Variants in FANCL observed in about 807,000 individuals in gnomAD.
The protein encoded by FANCL is E3 ubiquitin-protein ligase FANCL.
FANCL carries 69 observed loss-of-function variants against 59.4 expected under a neutral mutation model. That is an observed-to-expected ratio of 1.16 (90% CI 0.96 to 1.42). FANCL has a LOEUF of 1.42. FANCL is among the 40% of genes most tolerant of loss of function. FANCL has a pLI of 0.00. For missense variants in FANCL, 519 were observed against 447.2 expected (o/e 1.16, Z -1.45); for synonymous variants, 180 against 147.1 (o/e 1.22, Z -1.62).
At chr2:58,177,943 C>CA (rs1450835890) in intron 7 of FANCL, among the ~76,000 whole-genome samples, 1 of 152,030 alleles carries the variant, frequency 6.6e-6, no homozygotes, top group Non-Finnish European at 1.5e-5. Flanking sequence ...AAACTACTAT[C>CA]ACAGAATGCT....
At chr2:58,163,378 G>T (rs1397708060) in intron 9 of FANCL, 56 bp downstream of exon 9, 1 of 1,142,046 alleles carries the variant, frequency 8.8e-7, no homozygotes, top group Non-Finnish European at 1.3e-6. Flanking sequence ...ATTTAACAAT[G>T]CTAGGCAAGG....
intron 12 of FANCL, 36 bp from the exon 13 acceptor site, chr2:58,160,215 A>ATGAT (rs1558728104): frequency 6.3e-7 from 1 of 1,592,974 alleles, no homozygotes; most frequent in South Asian, 1.1e-5. Context: ...AAGCGTCAGC[A>ATGAT]TGATTACAAA....
At chr2:58,222,626 C>T (rs1365970153) in intron 4 of FANCL, among the ~76,000 whole-genome samples, 1 of 151,930 alleles carries the variant, frequency 6.6e-6, no homozygotes, top group East Asian at 1.9e-4. Context: ...CCTTGCTAGG[C>T]CTATCTATGA....
At chr2:58,189,901 C>A (rs971088433) in intron 7 of FANCL, among the ~76,000 whole-genome samples, 1 of 152,066 alleles carries the variant, frequency 6.6e-6, no homozygotes, top group South Asian at 2.1e-4. Context: ...CCCTATAATA[C>A]TTGCAGATAA....
chr2:58,175,625 G>T (rs1203116961), intron 7 of FANCL, among the ~76,000 whole-genome samples: 1 of 152,068 alleles, frequency 6.6e-6, no homozygotes, highest in Non-Finnish European at 1.5e-5. Flanking sequence ...GGTATTGATG[G>T]GACGTATCTC....
intron 5 of FANCL, among the ~76,000 whole-genome samples, chr2:58,215,355 C>T (rs1319045408): frequency 6.6e-6 from 1 of 152,178 alleles, no homozygotes; most frequent in Non-Finnish European, 1.5e-5. Flanking sequence ...AAAGCCTAAT[C>T]TCATGAATAA....
At chr2:58,202,968 C>T (rs933781811) in intron 6 of FANCL, among the ~76,000 whole-genome samples, 1 of 148,984 alleles carries the variant, frequency 6.7e-6, no homozygotes, top group Non-Finnish European at 1.5e-5. Context: ...AAGGAAATGA[C>T]AGAACCCTTG....
At chr2:58,161,881 ATG>A (rs1685234757) in intron 11 of FANCL, among the ~76,000 whole-genome samples, 2 of 151,948 alleles carry the variant, frequency 1.3e-5, no homozygotes, top group Non-Finnish European at 2.9e-5. Flanking sequence ...ATCAGGAAGA[ATG>A]TTTTATAAAT....
intron 1 of FANCL, among the ~76,000 whole-genome samples, chr2:58,233,536 GAATA>G (rs1693760549): frequency 6.6e-6 from 1 of 151,904 alleles, no homozygotes; most frequent in South Asian, 2.1e-4. Context: ...ACCATATTAA[GAATA>G]AATAAAACCA....
chr2:58,160,812 T>C (rs1250904152), intron 12 of FANCL, among the ~76,000 whole-genome samples: 1 of 152,026 alleles, frequency 6.6e-6, no homozygotes, highest in African/African-American at 2.4e-5. Context: ...ATTGGCAAAG[T>C]ACAGACGGCA....
At chr2:58,225,290 AT>A (rs1329624737) in intron 4 of FANCL, among the ~76,000 whole-genome samples, 1 of 151,940 alleles carries the variant, frequency 6.6e-6, no homozygotes, top group African/African-American at 2.4e-5. Context: ...TATTCTAAAA[AT>A]TGGTTTCTGT....
Position 58,179,843 on chromosome 2 carries a change from T to C in FANCL, c.541-13969A>G, listed in dbSNP as rs568428753. On this transcript the variant is annotated intron_variant, in intron 7 of 13. Transcript: ENST00000233741. ...GCAATCTATCCATCTGACAAAGGGC[T>C]AATATCCAGAATCTACAAGGAACTT... Among the ~76,000 whole-genome samples, 11 of 152,250 alleles carry C rather than the reference T, an allele frequency of 7.2e-5. No homozygotes were observed. In the South Asian group the frequency reaches 2.3e-3, roughly 32 times the overall value.
intron 5 of FANCL, among the ~76,000 whole-genome samples, chr2:58,219,435 C>A (rs1168728175): frequency 6.6e-6 from 1 of 151,466 alleles, no homozygotes; most frequent in Non-Finnish European, 1.5e-5. Flanking sequence ...AAATACTGTG[C>A]CCTAAAGGAG....
chr2:58,163,768 C>T (rs1685563386), intron 8 of FANCL, among the ~76,000 whole-genome samples: 1 of 151,926 alleles, frequency 6.6e-6, no homozygotes, highest in South Asian at 2.1e-4. Context: ...GATTGCAATT[C>T]TGGTCAACTG....
chr2:58,203,296 T>C (rs969524312), intron 6 of FANCL, among the ~76,000 whole-genome samples: 1 of 151,886 alleles, frequency 6.6e-6, no homozygotes, highest in African/African-American at 2.4e-5. Context: ...ATTAATTTTC[T>C]CTTGTGGAAA....
chr2:58,241,338 A>T, upstream of FANCL: 2 of 1,611,916 alleles, frequency 1.2e-6, no homozygotes, highest in Non-Finnish European at 8.5e-7. Flanking sequence ...AGAAACACAG[A>T]AAAGCTCTAG....
Position 58,170,054 on chromosome 2 carries a change from C to G in FANCL, c.541-4180G>C, listed in dbSNP as rs1286017328. On this transcript the variant is annotated intron_variant, in intron 7 of 13. Coordinates refer to ENST00000233741, the MANE Select transcript of FANCL (RefSeq NM_018062.4). ...CAGAGAACACCACAAAGATACTCCT[C>G]CAGAACAGCAACCACAAGACACATA... is the stretch of plus-strand genomic sequence containing the variant. Among the ~76,000 whole-genome samples the G allele has an allele frequency of 2.6e-5, 4 of 152,098 alleles. No homozygotes were observed. The East Asian group carries it at 7.7e-4, about 29-fold the overall frequency.
intron 1 of FANCL, among the ~76,000 whole-genome samples, chr2:58,238,308 C>T (rs1215510273): frequency 6.6e-6 from 1 of 152,108 alleles, no homozygotes; most frequent in Non-Finnish European, 1.5e-5. Context: ...ATCTTGATTG[C>T]AAGATCATGA....
chr2:58,204,754 G>C (rs1387964391), intron 5 of FANCL, among the ~76,000 whole-genome samples: 2 of 152,140 alleles, frequency 1.3e-5, no homozygotes, highest in East Asian at 3.9e-4. Flanking sequence ...CACAGGTACA[G>C]CCTGGTCTCC....
Sources: allele counts gnomAD v4.1 joint callset (sites outside exome capture counted in the v4.1 genomes callset), GRCh38; gene constraint gnomAD v4.1.1; transcripts MANE v1.5; gene names NCBI Gene and HGNC (gene_info 2026-07-23, HGNC 2026-07-21).